Variants in UGT1A8 observed in about 807,000 individuals in gnomAD.
UGT1A8 encodes the protein UDP-glucuronosyltransferase 1A8.
In UGT1A8, 39 loss-of-function variants were observed where a neutral mutation model predicts 45.3. That is an observed-to-expected ratio of 0.86 (90% CI 0.67 to 1.12). The LOEUF (loss-of-function observed/expected upper bound fraction) is 1.12. UGT1A8 is among the 50% of genes most tolerant of loss of function. The pLI is 0.00. For synonymous variants in UGT1A8, 275 were observed against 249.2 expected, an observed-to-expected ratio of 1.10 and a Z score of -0.97; for missense variants, 719 against 664.9, an observed-to-expected ratio of 1.08 and a Z score of -0.90.
At chr2:233,631,993 T>C (rs929199606) in intron 1 of UGT1A8, among the ~76,000 whole-genome samples, 1 of 152,200 alleles carries the variant, frequency 6.6e-6, no homozygotes, top group Non-Finnish European at 1.5e-5. Context: ...CTTTAATCCA[T>C]CTTGAGTTAA....
chr2:233,668,446 A>C (rs2074120915), intron 1 of UGT1A8, among the ~76,000 whole-genome samples: 1 of 152,184 alleles, frequency 6.6e-6, no homozygotes, highest in Non-Finnish European at 1.5e-5. Context: ...TTCTTAATCC[A>C]GTCTACCACT....
At chr2:233,690,639 A>G (rs1436804379) in intron 1 of UGT1A8, 2 of 1,287,574 alleles carry the variant, frequency 1.6e-6, no homozygotes, top group East Asian at 1.1e-4. Flanking sequence ...ACCTGAGGAC[A>G]CCTTGACTCC....
intron 1 of UGT1A8, chr2:233,693,443 C>T: frequency 1.2e-6 from 2 of 1,614,134 alleles, no homozygotes; most frequent in Admixed American, 1.7e-5. Flanking sequence ...GTTTGATGCT[C>T]TTTTCACAGA....
intron 1 of UGT1A8, among the ~76,000 whole-genome samples, chr2:233,667,605 A>G (rs1427669394): frequency 3.9e-5 from 6 of 152,224 alleles, no homozygotes; most frequent in Admixed American, 2.6e-4. Flanking sequence ...AACTTACAGA[A>G]TGGGAGAAAA....
chr2:233,690,191 TA>T (rs1234058808), intron 1 of UGT1A8, among the ~76,000 whole-genome samples: 1 of 152,236 alleles, frequency 6.6e-6, no homozygotes, highest in African/African-American at 2.4e-5. Flanking sequence ...TTTCATAAAA[TA>T]TTCATAAATT....
intron 1 of UGT1A8, among the ~76,000 whole-genome samples, chr2:233,680,267 C>T (rs561229391): frequency 6.6e-6 from 1 of 152,068 alleles, no homozygotes; most frequent in Non-Finnish European, 1.5e-5. Flanking sequence ...ATGAAAAATA[C>T]AGTAGAACCA....
chr2:233,645,759 C>T (rs1306588092), intron 1 of UGT1A8, among the ~76,000 whole-genome samples: 3 of 152,180 alleles, frequency 2.0e-5, no homozygotes, highest in African/African-American at 7.2e-5. Context: ...TACAGCCTCC[C>T]TTCCAGCTGC....
intron 1 of UGT1A8, among the ~76,000 whole-genome samples, chr2:233,757,562 G>GATATATATATATATA (rs1696648748): frequency 1.1e-5 from 1 of 90,870 alleles, no homozygotes; most frequent in Non-Finnish European, 2.1e-5. Context: ...ATATATATAT[G>GATATATATATATATA]TATATATGAT....
chr2:233,677,455 C>T (rs1478706967), intron 1 of UGT1A8, among the ~76,000 whole-genome samples: 1 of 152,068 alleles, frequency 6.6e-6, no homozygotes, highest in Non-Finnish European at 1.5e-5. Context: ...AAAGCCTTGC[C>T]AATACCATAA....
intron 1 of UGT1A8, among the ~76,000 whole-genome samples, chr2:233,635,840 C>T (rs1288274916): frequency 2.6e-5 from 4 of 150,982 alleles, no homozygotes; most frequent in Non-Finnish European, 2.9e-5. Context: ...GCCAGCAACT[C>T]CCCACTGCAT....
intron 1 of UGT1A8, chr2:233,748,051 A>C: frequency 6.2e-7 from 1 of 1,613,438 alleles, no homozygotes. Context: ...GGGGGCATCA[A>C]CTGTGCCAAC....
At chr2:233,753,801 T>C (rs1243795738) in intron 1 of UGT1A8, 1 of 152,208 alleles carries the variant, frequency 6.6e-6, no homozygotes, top group Admixed American at 6.5e-5. Context: ...GGACCTACCA[T>C]AGTTGGAGAA....
chr2:233,672,015 G>C, intron 1 of UGT1A8: 1 of 1,614,164 alleles, frequency 6.2e-7, no homozygotes, highest in East Asian at 2.2e-5. Context: ...AGGCAGGGAA[G>C]CTACTGGTAG....
intron 1 of UGT1A8, among the ~76,000 whole-genome samples, chr2:233,657,095 C>T (rs923941594): frequency 1.3e-5 from 2 of 152,080 alleles, no homozygotes; most frequent in African/African-American, 4.8e-5. Context: ...ATGTGATACC[C>T]AACACAATAC....
chr2:233,757,535 A>AATATATATATAT (rs67292694), intron 1 of UGT1A8, among the ~76,000 whole-genome samples: 911 of 88,202 alleles, frequency 0.01, 30 homozygotes, highest in Middle Eastern at 0.029. Context: ...GCCTGTAAGG[A>AATATATATATAT]ATATATATAT....
intron 1 of UGT1A8, 89 bp downstream of exon 1, chr2:233,618,651 C>T (rs1319032624): frequency 6.6e-7 from 1 of 1,515,356 alleles, no homozygotes; most frequent in African/African-American, 1.4e-5. Context: ...TTGACATTTT[C>T]ATTTGTTGCA....
chr2:233,670,752 A>C (rs189878242), intron 1 of UGT1A8, among the ~76,000 whole-genome samples: 14 of 152,202 alleles, frequency 9.2e-5, no homozygotes, highest in Admixed American at 8.5e-4. Context: ...GACCACTTTG[A>C]CACCTTCAGT....
chr2:233,662,239 G>T (rs1048894174), intron 1 of UGT1A8, among the ~76,000 whole-genome samples: 4 of 152,112 alleles, frequency 2.6e-5, no homozygotes, highest in African/African-American at 9.7e-5. Flanking sequence ...TAATATGGTA[G>T]TAAATGATAA....
rs114034466 is a variant in UGT1A8 at position 233,660,795 on chromosome 2, C to A, written c.855+42233C>A. Among the ~76,000 whole-genome samples the A allele has an allele frequency of 2.4e-3, 367 of 152,142 alleles. 1 individual carries two copies. The highest frequency in any genetic ancestry group is 8.5e-3 in the African/African-American group (354 of 41,516). On this transcript the variant is annotated intron_variant, in intron 1 of 4. Transcript: ENST00000373450. ...TGCATGAATTAAAAACTGGCTCAGG[C>A]AGATATTCATTCTCCTCAATGCTTC...
Sources: gnomAD v4.1 joint callset for allele counts (sites outside exome capture counted in the v4.1 genomes callset) on GRCh38, gnomAD v4.1.1 for gene constraint, MANE v1.5 for transcripts, NCBI Gene and HGNC (gene_info 2026-07-23, HGNC 2026-07-21) for gene names.